Variants in SMC5 observed in about 807,000 individuals in gnomAD.
SMC5 encodes the protein structural maintenance of chromosomes protein 5.
A neutral mutation model predicts 148.3 loss-of-function variants in SMC5; 88 were observed. The observed-to-expected ratio is 0.59, with a 90% CI of 0.50 to 0.71. The LOEUF (loss-of-function observed/expected upper bound fraction) is 0.71. Among genes scored for constraint, SMC5 ranks in the 30% least tolerant of loss-of-function variants. The probability of loss-of-function intolerance (pLI) is 0.00; values close to 1 mark genes in which losing one functional copy is unlikely to be tolerated. For missense variants in SMC5, 1,142 were observed against 1,298.9 expected (o/e 0.88, Z 1.86); for synonymous variants, 421 against 432.8 (o/e 0.97, Z 0.34).
At chr9:70,298,376 T>C (rs1362992876) in intron 9 of SMC5, among the ~76,000 whole-genome samples, 155 bp downstream of exon 9, 2 of 152,204 alleles carry the variant, frequency 1.3e-5, no homozygotes, top group East Asian at 1.9e-4. Flanking sequence ...ACCTTAATTA[T>C]CTATATCTGT....
intron 18 of SMC5, 140 bp from the exon 19 acceptor site, chr9:70,346,465 A>G (rs894941931): frequency 1.2e-6 from 1 of 828,374 alleles, no homozygotes; most frequent in Non-Finnish European, 2.0e-6. Flanking sequence ...CTCAGAAGAT[A>G]GTACTGTGGT....
chr9:70,339,939 T>G (rs1182797981), intron 17 of SMC5, among the ~76,000 whole-genome samples: 1 of 152,142 alleles, frequency 6.6e-6, no homozygotes, highest in Non-Finnish European at 1.5e-5. Flanking sequence ...CAGAGGTCGA[T>G]AAAAATTTCT....
intron 17 of SMC5, among the ~76,000 whole-genome samples, chr9:70,335,090 C>T (rs967151246): frequency 1.3e-5 from 2 of 152,164 alleles, no homozygotes; most frequent in African/African-American, 4.8e-5. Flanking sequence ...TGTGGAAAAT[C>T]ATTTGGGAGT....
intron 10 of SMC5, among the ~76,000 whole-genome samples, chr9:70,303,736 A>G (rs1297567431): frequency 1.3e-5 from 2 of 152,218 alleles, no homozygotes; most frequent in African/African-American, 4.8e-5. Flanking sequence ...GTAGTACTTG[A>G]GCAAGATCAA....
chr9:70,334,226 T>TA (rs1181129043), intron 17 of SMC5, among the ~76,000 whole-genome samples: 5 of 151,772 alleles, frequency 3.3e-5, no homozygotes, highest in African/African-American at 1.2e-4. Flanking sequence ...TAGTCATATG[T>TA]AAAAAATGAA....
intron 15 of SMC5, among the ~76,000 whole-genome samples, chr9:70,322,883 T>C (rs1361417127): frequency 6.6e-6 from 1 of 152,226 alleles, no homozygotes; most frequent in East Asian, 1.9e-4. Flanking sequence ...TACATGAAAT[T>C]TAATTAAACA....
chr9:70,320,330 G>A (rs1278858869), intron 15 of SMC5, among the ~76,000 whole-genome samples: 2 of 152,112 alleles, frequency 1.3e-5, no homozygotes, highest in Non-Finnish European at 2.9e-5. Flanking sequence ...AGGCCAAGGC[G>A]GAAGGATCAC....
intron 10 of SMC5, 92 bp downstream of exon 10, chr9:70,300,292 G>C: frequency 2.5e-6 from 3 of 1,181,326 alleles, no homozygotes; most frequent in Non-Finnish European, 3.5e-6. Flanking sequence ...TATTACCCTG[G>C]TTTTACATTA....
chr9:70,289,522 C>A (rs2035001186), intron 8 of SMC5, among the ~76,000 whole-genome samples: 2 of 151,904 alleles, frequency 1.3e-5, no homozygotes, highest in East Asian at 3.9e-4. Context: ...AAATTTTTTT[C>A]AATTTGATGG....
In SMC5 at chr9:70,312,235, C is replaced by T. The variant is rs1246519317; in HGVS notation, c.1579-2507C>T. The T allele has an allele frequency of 2.7e-5, 4 of 149,430 alleles. No individual in the cohort carries two copies. The East Asian group carries it at 8.0e-4, about 30-fold the overall frequency. The allele number at this position is 149,430 out of a possible 1,614,324, so 9.3% of individuals were successfully genotyped here. Reference sequence around the variant, plus strand: ...CTGAGGAGGCCTCAGGAAGCTTATACAATCATGGCGGAAGGCAAAGAAGAA... The same window carrying T: ...CTGAGGAGGCCTCAGGAAGCTTATATAATCATGGCGGAAGGCAAAGAAGAA... On this transcript the variant is annotated intron_variant, in intron 11 of 24. Coordinates refer to ENST00000361138, the MANE Select transcript of SMC5 (RefSeq NM_015110.4).
intron 15 of SMC5, among the ~76,000 whole-genome samples, chr9:70,320,921 T>A (rs2035926862): frequency 6.6e-6 from 1 of 152,188 alleles, no homozygotes; most frequent in South Asian, 2.1e-4. Context: ...CCTTGATTTA[T>A]TCTAAAGCAC....
chr9:70,285,550 A>G (rs1182324860), intron 7 of SMC5, among the ~76,000 whole-genome samples: 3 of 152,214 alleles, frequency 2.0e-5, no homozygotes, highest in Admixed American at 1.3e-4. Context: ...CACTCTTATC[A>G]GTTAGGAAAT....
chr9:70,334,783 A>C (rs1354947410), intron 17 of SMC5, among the ~76,000 whole-genome samples: 2 of 152,222 alleles, frequency 1.3e-5, no homozygotes, highest in Non-Finnish European at 1.5e-5. Context: ...CAGTGAAAAA[A>C]TGGGCAAAGA....
intron 7 of SMC5, among the ~76,000 whole-genome samples, chr9:70,284,746 G>T (rs981792591): frequency 7.2e-5 from 11 of 152,114 alleles, no homozygotes; most frequent in African/African-American, 2.7e-4. Context: ...TTCTGAAGTG[G>T]TACCTTATGT....
In SMC5 at chr9:70,307,505, C is replaced by CT. The variant is rs918068080; in HGVS notation, c.1578+2156dup. Among the ~76,000 whole-genome samples the CT allele has an allele frequency of 7.3e-3, 1,076 of 147,142 alleles. 11 individuals carry two copies. The highest frequency in any genetic ancestry group is 0.025 in the African/African-American group (1,002 of 40,368). ...TTGTTTTATGTATTTTAATTCATTA[C>CT]TTTTTTTTTTTGAGACAGAGTTTTG... On this transcript the variant is annotated intron_variant, in intron 11 of 24. Transcript: ENST00000361138.
intron 11 of SMC5, among the ~76,000 whole-genome samples, chr9:70,305,827 G>A (rs915726502): frequency 3.0e-4 from 46 of 152,136 alleles, no homozygotes; most frequent in South Asian, 2.1e-4. Flanking sequence ...CTAAGCCACC[G>A]AAAGACAGTA....
intron 17 of SMC5, among the ~76,000 whole-genome samples, chr9:70,331,822 T>C (rs2036226766): frequency 6.6e-6 from 1 of 152,096 alleles, no homozygotes; most frequent in South Asian, 2.1e-4. Context: ...AAGATGTGAG[T>C]ATGTCAAATA....
At chr9:70,325,854 A>G (rs893595591) in intron 17 of SMC5, among the ~76,000 whole-genome samples, 5 of 152,152 alleles carry the variant, frequency 3.3e-5, no homozygotes, top group Non-Finnish European at 5.9e-5. Context: ...TAGGGAGCCA[A>G]TAGATAGTAT....
In SMC5 at chr9:70,323,697, T is replaced by A. The variant is rs962378705; in HGVS notation, c.2274+91T>A. Reference sequence around the variant, plus strand: ...CTTTAGAGGGAGGGAAGGTTTTGATTAAGGTTTTTGACATTTTAGTTATAT... The same window carrying A: ...CTTTAGAGGGAGGGAAGGTTTTGATAAAGGTTTTTGACATTTTAGTTATAT... On this transcript the variant is annotated intron_variant, in intron 16 of 24. Transcript: ENST00000361138. 2.9e-6 allele frequency: 4 copies of A among 1,375,626 alleles called. No homozygotes were observed. In the African/African-American group the frequency reaches 4.4e-5, roughly 15 times the overall value. The allele number at this position is 1,375,626 out of a possible 1,614,324, so 85.2% of individuals were successfully genotyped here. A position where few individuals can be genotyped will look rare whatever the true frequency, so the allele number is the denominator to read the frequency against.
Sources: gnomAD v4.1 joint callset for allele counts (sites outside exome capture counted in the v4.1 genomes callset) on GRCh38, gnomAD v4.1.1 for gene constraint, MANE v1.5 for transcripts, NCBI Gene and HGNC (gene_info 2026-07-23, HGNC 2026-07-21) for gene names.